The following GRIK2 variants were observed in gnomAD, a reference collection of about 807,000 sequenced individuals.
GRIK2 encodes the protein glutamate receptor ionotropic, kainate 2.
Under a neutral mutation model 100.3 loss-of-function variants are expected in GRIK2, and 32 were observed. The ratio of observed to expected loss-of-function variants is 0.32; its 90% CI spans 0.24 to 0.43. GRIK2 has a LOEUF of 0.43. Ranked by LOEUF, GRIK2 falls within the 20% of genes least tolerant of loss-of-function variation. GRIK2 has a pLI of 1.00. For synonymous variants in GRIK2, 417 were observed against 389.4 expected (o/e 1.07, Z -0.83); for missense variants, 843 against 1,114.9 (o/e 0.76, Z 3.47).
At chr6:101,936,342 A>G (rs2128474197) in intron 14 of GRIK2, among the ~76,000 whole-genome samples, 1 of 152,178 alleles carries the variant, frequency 6.6e-6, no homozygotes, top group South Asian at 2.1e-4. Context: ...CGAATGTGGG[A>G]AATTCACTAA....
chr6:101,680,780 C>T (rs1045815474), intron 5 of GRIK2, among the ~76,000 whole-genome samples: 3 of 152,026 alleles, frequency 2.0e-5, no homozygotes, highest in South Asian at 2.1e-4. Context: ...GCAATGAATG[C>T]CTTCTACAAA....
intron 4 of GRIK2, among the ~76,000 whole-genome samples, chr6:101,655,004 T>C (rs1781990680): frequency 6.6e-6 from 1 of 152,204 alleles, no homozygotes; most frequent in South Asian, 2.1e-4. Context: ...GACCTTTGAA[T>C]ACTATAAAAC....
At chr6:102,001,449 A>T (rs1401252908) in intron 14 of GRIK2, among the ~76,000 whole-genome samples, 7 of 151,748 alleles carry the variant, frequency 4.6e-5, no homozygotes, top group Non-Finnish European at 4.4e-5. Context: ...GAATGAGAAC[A>T]TGCGGTGTTT....
At chr6:101,537,913 A>T (rs1582667727) in intron 2 of GRIK2, among the ~76,000 whole-genome samples, 1 of 151,828 alleles carries the variant, frequency 6.6e-6, no homozygotes, top group Non-Finnish European at 1.5e-5. Flanking sequence ...AACCATCTGC[A>T]TAGTATTGTT....
chr6:101,610,299 A>C (rs1460644775), intron 2 of GRIK2, among the ~76,000 whole-genome samples: 1 of 151,662 alleles, frequency 6.6e-6, no homozygotes, highest in Non-Finnish European at 1.5e-5. Flanking sequence ...TTGCTTTATG[A>C]ATAATACTAT....
In GRIK2 at chr6:101,399,202, C is replaced by A; in HGVS notation, c.-76C>A. 1 of 787,594 alleles carries A rather than the reference C, an allele frequency of 1.3e-6. No homozygotes were observed. The highest frequency in any genetic ancestry group is 2.3e-6 in the Non-Finnish European group (1 of 430,350). 48.8% of individuals were successfully genotyped at this position (787,594 alleles called of 1,614,324 possible). A position where few individuals can be genotyped will look rare whatever the true frequency, so the allele number is the denominator to read the frequency against. On this transcript the variant is annotated 5_prime_UTR_variant, in exon 2 of 17. Transcript: ENST00000369134. ...GTCTGCGGTCACCACTCGACGCATCCTCATTTCTACCCGAACCCAGGAGCC... is the reference window on the plus strand; with the variant it reads ...GTCTGCGGTCACCACTCGACGCATCATCATTTCTACCCGAACCCAGGAGCC...
intron 4 of GRIK2, among the ~76,000 whole-genome samples, chr6:101,672,940 T>C (rs996482342): frequency 2.6e-5 from 4 of 152,218 alleles, no homozygotes; most frequent in Non-Finnish European, 1.5e-5. Context: ...ATCCCATTAA[T>C]GGGATTGCTG....
chr6:101,451,850 A>G (rs1770711247), intron 2 of GRIK2, among the ~76,000 whole-genome samples: 1 of 151,576 alleles, frequency 6.6e-6, no homozygotes, highest in Non-Finnish European at 1.5e-5. Flanking sequence ...TGTGCTACTT[A>G]TTTTATATTA....
intron 7 of GRIK2, among the ~76,000 whole-genome samples, chr6:101,703,562 G>A (rs536280919): frequency 6.6e-6 from 1 of 151,908 alleles, no homozygotes; most frequent in African/African-American, 2.4e-5. Flanking sequence ...AATGTGAGGT[G>A]AGAGAGAAGA....
At chr6:101,868,804 C>G (rs1200000007) in intron 11 of GRIK2, among the ~76,000 whole-genome samples, 1 of 151,684 alleles carries the variant, frequency 6.6e-6, no homozygotes, top group Non-Finnish European at 1.5e-5. Context: ...AAAAATTGCT[C>G]AAATAAGATA....
chr6:102,058,362 TTACC>T (rs1206549461), intron 16 of GRIK2, among the ~76,000 whole-genome samples: 1 of 151,770 alleles, frequency 6.6e-6, no homozygotes, highest in East Asian at 1.9e-4. Context: ...GTCTATCTAT[TTACC>T]TACCTACCTA....
intron 4 of GRIK2, among the ~76,000 whole-genome samples, chr6:101,657,669 A>G (rs562267354): frequency 6.6e-6 from 1 of 152,216 alleles, no homozygotes; most frequent in East Asian, 1.9e-4. Context: ...CAGTCTTATG[A>G]TCTTGATTAT....
intron 7 of GRIK2, among the ~76,000 whole-genome samples, chr6:101,746,430 G>A (rs1776423572): frequency 6.6e-6 from 1 of 152,104 alleles, no homozygotes; most frequent in East Asian, 1.9e-4. Flanking sequence ...GGGTTCAATT[G>A]ATTCTTCTGC....
At chr6:101,819,866 C>T (rs559449953) in intron 10 of GRIK2, among the ~76,000 whole-genome samples, 21 of 152,280 alleles carry the variant, frequency 1.4e-4, no homozygotes, top group African/African-American at 4.8e-4. Flanking sequence ...TCAACAACAA[C>T]AACACAACAA....
chr6:101,858,788 A>G (rs1324889259), intron 10 of GRIK2, among the ~76,000 whole-genome samples: 2 of 152,006 alleles, frequency 1.3e-5, no homozygotes, highest in East Asian at 3.9e-4. Flanking sequence ...GTGATTATAT[A>G]TATAAAAAGT....
chr6:101,842,616 T>A (rs1783582707), intron 10 of GRIK2, among the ~76,000 whole-genome samples: 1 of 152,202 alleles, frequency 6.6e-6, no homozygotes, highest in African/African-American at 2.4e-5. Context: ...AACTTTTTTT[T>A]ATTTTATTGA....
chr6:101,454,238 G>A (rs562224574), intron 2 of GRIK2, among the ~76,000 whole-genome samples: 7 of 151,922 alleles, frequency 4.6e-5, no homozygotes, highest in South Asian at 2.1e-4. Flanking sequence ...TTTACTTTCC[G>A]TCAAGACAAA....
At chr6:101,731,121 C>T (rs1008664607) in intron 7 of GRIK2, among the ~76,000 whole-genome samples, 5 of 152,070 alleles carry the variant, frequency 3.3e-5, no homozygotes, top group Non-Finnish European at 5.9e-5. Flanking sequence ...ATTATCTGAG[C>T]AGTGAAGAAA....
At chr6:101,928,161 A>G (rs924499059) in intron 13 of GRIK2, 13 of 457,572 alleles carry the variant, frequency 2.8e-5, no homozygotes, top group Non-Finnish European at 5.1e-5. Flanking sequence ...TTTTAATTGG[A>G]ACTTTGCATC....
Sources: allele counts gnomAD v4.1 joint callset (sites outside exome capture counted in the v4.1 genomes callset), GRCh38; gene constraint gnomAD v4.1.1; transcripts MANE v1.5; gene names NCBI Gene and HGNC (gene_info 2026-07-23, HGNC 2026-07-21).